MMP11: variants seen among roughly 807,000 people sequenced by gnomAD.
MMP11 encodes the protein stromelysin-3.
In MMP11, 26 loss-of-function variants were observed where a neutral mutation model predicts 49.5. The observed-to-expected ratio is 0.52, with a 90% CI of 0.38 to 0.73. The LOEUF (loss-of-function observed/expected upper bound fraction) is 0.73, where lower values mean the gene tolerates loss of function less well. Ranked by LOEUF, MMP11 falls within the 30% of genes least tolerant of loss-of-function variation. The pLI, the probability that MMP11 is intolerant of heterozygous loss-of-function variation, is 0.00. For missense variants in MMP11, 624 were observed against 671.2 expected, an observed-to-expected ratio of 0.93 and a Z score of 0.78; for synonymous variants, 265 against 282.3, an observed-to-expected ratio of 0.94 and a Z score of 0.62.
At position 23,781,813 on chromosome 22, in the gene MMP11, C is replaced by T. The variant is rs1021923047; in HGVS notation, c.1075+404C>T. 10 of 584,836 alleles carry T rather than the reference C, an allele frequency of 1.7e-5. No homozygotes were observed. In the African/African-American group the frequency reaches 1.8e-4, roughly 11 times the overall value. The allele number at this position is 584,836 out of a possible 1,614,324, so 36.2% of individuals were successfully genotyped here. A position where few individuals can be genotyped will look rare whatever the true frequency, so the allele number is the denominator to read the frequency against. On this transcript the variant is annotated intron_variant, in intron 6 of 7. Transcript: ENST00000215743. The stretch of plus-strand genomic sequence containing the variant: ...AGCTGGGATTTCCATCCTCAACTGG[C>T]AGAGATGAGAGCCTGGAGCATTGCA...
intron 1 of MMP11, among the ~76,000 whole-genome samples, chr22:23,776,912 A>G (rs950531150): frequency 1.3e-5 from 2 of 149,638 alleles, no homozygotes; most frequent in Non-Finnish European, 3.0e-5. Context: ...GGTTCACGCC[A>G]TTCTCCTGCC....
chr22:23,781,447 A>G, intron 6 of MMP11, 38 bp downstream of exon 6: 1 of 1,534,190 alleles, frequency 6.5e-7, no homozygotes, highest in Non-Finnish European at 8.8e-7. Context: ...GAGACTTCCC[A>G]GAGCCAGGAA....
At position 23,772,904 on chromosome 22, in the gene MMP11, G is replaced by A. The variant is rs942156863; in HGVS notation, c.34G>A (p.Ala12Thr). Reference protein sequence around the residue: ...APAAWLRSAAARALLPPMLLL... With the variant: ...APAAWLRSAATRALLPPMLLL... Reference sequence around the variant, plus strand: ...GGCCGCCTGGCTCCGCAGCGCGGCCGCGCGCGCCCTCCTGCCCCCGATGCT... The same window carrying A: ...GGCCGCCTGGCTCCGCAGCGCGGCCACGCGCGCCCTCCTGCCCCCGATGCT... The change falls in exon 1 of 8, where the codon GCG becomes ACG. Residue 12 changes from alanine to threonine, a missense_variant. Physicochemically the swap from Ala to Thr is moderately conservative, Grantham distance 58 (BLOSUM62 0). Coordinates refer to ENST00000215743, the MANE Select transcript of MMP11 (RefSeq NM_005940.5). 8.5e-7 allele frequency: 1 copy of A among 1,173,252 alleles called. No individual in the cohort carries two copies. The highest frequency in any genetic ancestry group is 1.1e-6 in the Non-Finnish European group (1 of 950,434). 72.7% of individuals were successfully genotyped at this position (1,173,252 alleles called of 1,614,324 possible).
chr22:23,779,297 C>A lies in MMP11; in HGVS notation c.219C>A (p.Ser73Arg), dbSNP rs763099506. The A allele has an allele frequency of 2.3e-5, 37 of 1,611,322 alleles. No homozygotes were observed. The highest frequency in any genetic ancestry group is 2.9e-5 in the Non-Finnish European group (34 of 1,179,300). The change falls in exon 2 of 8, where the codon AGC becomes AGA. Residue 73 changes from serine to arginine, a missense_variant. Coordinates refer to ENST00000215743, the MANE Select transcript of MMP11 (RefSeq NM_005940.5). ...PATQEAPRPA[S>R]SLRPPRCGVP... is the part of the protein sequence containing the mutation. The stretch of plus-strand genomic sequence containing the variant: ...CGCAGGAAGCCCCCCGGCCTGCCAG[C>A]AGCCTCAGGCCTCCCCGCTGTGGCG...
Position 23,781,380 on chromosome 22 carries a change from A to T in MMP11, c.1046A>T (p.Asp349Val). ...LPSPVDAAFE[D>V]AQGHIWFFQG... The stretch of plus-strand genomic sequence containing the variant: ...AGCCCTGTGGACGCTGCCTTCGAGG[A>T]TGCCCAGGGCCACATTTGGTTCTTC... Residue 349 changes from aspartate to valine, a missense_variant, in exon 6 of 8, where the codon GAT (aspartate) becomes GTT (valine). Asp to Val is a radical substitution (Grantham distance 152). Transcript: ENST00000215743. The T allele has an allele frequency of 6.2e-7, 1 of 1,610,644 alleles. No homozygotes were observed. Among genetic ancestry groups the T allele is most frequent in the Non-Finnish European group, 8.5e-7 (1 of 1,178,498 alleles).
Position 23,782,242 on chromosome 22 carries a change from G to T in MMP11, c.1092G>T (p.Val364=). 1 of 1,613,322 alleles carries T rather than the reference G, an allele frequency of 6.2e-7. No individual in the cohort carries two copies. Among genetic ancestry groups the T allele is most frequent in the Non-Finnish European group, 8.5e-7 (1 of 1,179,958 alleles). The change falls in exon 7 of 8, where the codon GTG becomes GTT. Residue 364 remains valine (V), a synonymous_variant. Coordinates refer to ENST00000215743, the MANE Select transcript of MMP11 (RefSeq NM_005940.5). ...CTCCGGCAGGTGCTCAGTACTGGGT[G>T]TACGACGGTGAAAAGCCAGTCCTGG... is the stretch of plus-strand genomic sequence containing the variant. ...IWFFQGAQYW[V]YDGEKPVLGP... is the part of the protein sequence containing the mutation.
At position 23,779,235 on chromosome 22, in the gene MMP11, G is replaced by A. The variant is rs766136342; in HGVS notation, c.157G>A (p.Ala53Thr). 13 of 1,608,486 alleles carry A rather than the reference G, an allele frequency of 8.1e-6. No homozygotes were observed. The highest frequency in any genetic ancestry group is 9.3e-6 in the Non-Finnish European group (11 of 1,178,264). The change falls in exon 2 of 8, where the codon GCA becomes ACA. Residue 53 changes from alanine (A) to threonine (T), a missense_variant. Physicochemically the swap from Ala to Thr is moderately conservative, Grantham distance 58. Transcript: ENST00000215743. ...AERRGPQPWH[A>T]ALPSSPAPAP... The stretch of plus-strand genomic sequence containing the variant: ...GAGGAGGGGGCCACAGCCCTGGCAT[G>A]CAGCCCTGCCCAGTAGCCCGGCACC...
rs756554837 is a variant in MMP11, at chr22:23,780,760, A to G, written c.616+45A>G. 13 of 1,552,760 alleles carry G rather than the reference A, an allele frequency of 8.4e-6. No homozygotes were observed. Among genetic ancestry groups the G allele is most frequent in the Admixed American group, 3.8e-5 (2 of 52,402 alleles). ...TTTCCAGATGGGGCAACCGAAGATCATAAAGAATGGGGACTCGCCAAGGTC... is the reference window on the plus strand; with the variant it reads ...TTTCCAGATGGGGCAACCGAAGATCGTAAAGAATGGGGACTCGCCAAGGTC... On this transcript the variant is annotated intron_variant, in intron 4 of 7. Transcript: ENST00000215743. This position sits in a 1 kb window ranked among gnomAD's most constrained non-coding sequence, Gnocchi z 4.6.
In MMP11 at chr22:23,783,550, G is replaced by C; in HGVS notation, c.*6G>C. Reference sequence around the variant, plus strand: ...CTGCCAACACTTTCCTCTGACCATGGCTTGGATGCCCTCAGGGGTGCTGAC... The same window carrying C: ...CTGCCAACACTTTCCTCTGACCATGCCTTGGATGCCCTCAGGGGTGCTGAC... On this transcript the variant is annotated 3_prime_UTR_variant, in exon 8 of 8. Coordinates refer to ENST00000215743, the MANE Select transcript of MMP11 (RefSeq NM_005940.5). 6.2e-7 allele frequency: 1 copy of C among 1,614,114 alleles called. No individual in the cohort carries two copies. Among genetic ancestry groups the C allele is most frequent in the Non-Finnish European group, 8.5e-7 (1 of 1,179,992 alleles).
Position 23,780,902 on chromosome 22 carries a change from GC to G in MMP11, c.661del (p.Leu221TrpfsTer12), listed in dbSNP as rs2145942367. 6.2e-7 allele frequency: 1 copy of G among 1,613,944 alleles called. No individual in the cohort carries two copies. The highest frequency in any genetic ancestry group is 1.1e-5 in the South Asian group (1 of 91,082). On this transcript the variant is annotated frameshift_variant, in exon 5 of 8. Transcript: ENST00000215743. LOFTEE classifies it high-confidence loss of function. This position sits in a 1 kb window ranked among gnomAD's most constrained non-coding sequence, Gnocchi z 4.6. Reference sequence around the variant, plus strand: ...TGGCAGCCCATGAATTTGGCCACGTGCTGGGGCTGCAGCACACAACAGCAGC... The same window carrying G: ...TGGCAGCCCATGAATTTGGCCACGTGTGGGGCTGCAGCACACAACAGCAGC... ...QVAAHEFGHV[L>X]GLQHTTAAKA...
chr22:23,780,516 C>A lies in MMP11; in HGVS notation c.482+14C>A. 2 of 1,613,610 alleles carry A rather than the reference C, an allele frequency of 1.2e-6. No individual in the cohort carries two copies. The highest frequency in any genetic ancestry group is 2.7e-5 in the African/African-American group (2 of 75,060). On this transcript the variant is annotated intron_variant, in intron 3 of 7. Coordinates refer to ENST00000215743, the MANE Select transcript of MMP11 (RefSeq NM_005940.5). The surrounding 1 kb of genome is among the most constrained non-coding windows in gnomAD (Gnocchi z 4.6). ...CGACTTCGCCAGGTGAATGGGCGGC[C>A]TGGGACCCCTCCGGGAACAGCCTCG...
rs890059757 is a variant in MMP11, at chr22:23,783,855, G to A, written c.*311G>A. The A allele has an allele frequency of 2.4e-6, 1 of 418,182 alleles. No individual in the cohort carries two copies. The highest frequency in any genetic ancestry group is 3.4e-5 in the Admixed American group (1 of 29,044). 25.9% of individuals were successfully genotyped at this position (418,182 alleles called of 1,614,324 possible). A position where few individuals can be genotyped will look rare whatever the true frequency, so the allele number is the denominator to read the frequency against. On this transcript the variant is annotated 3_prime_UTR_variant, in exon 8 of 8. Transcript: ENST00000215743. Reference sequence around the variant, plus strand: ...CCTGTCTCCATCCCTGTCCCTCAGGGTAGCACCATGGCAGGACTGGGGGAA... The same window carrying A: ...CCTGTCTCCATCCCTGTCCCTCAGGATAGCACCATGGCAGGACTGGGGGAA...
intron 7 of MMP11, among the ~76,000 whole-genome samples, chr22:23,783,064 G>A (rs144664806): frequency 6.0e-4 from 92 of 152,272 alleles, no homozygotes; most frequent in Middle Eastern, 3.4e-3. Flanking sequence ...CAGGGTGCCC[G>A]TCAATAGCCT....
rs192119539 is a variant in MMP11, at chr22:23,780,466, A to C, written c.446A>C (p.His149Pro). 4 of 1,614,054 alleles carry C rather than the reference A, an allele frequency of 2.5e-6. No homozygotes were observed. The Admixed American group carries it at 5.0e-5, about 20-fold the overall frequency. Residue 149 changes from histidine to proline, a missense_variant, in exon 3 of 8, where the codon CAC (histidine) becomes CCC (proline). Physicochemically the swap from His to Pro is moderately conservative, Grantham distance 77. Coordinates refer to ENST00000215743, the MANE Select transcript of MMP11 (RefSeq NM_005940.5). The surrounding 1 kb of genome is among the most constrained non-coding windows in gnomAD (Gnocchi z 4.6). ...ACGCCACTCACCTTTACTGAGGTGC[A>C]CGAGGGCCGTGCTGACATCATGATC... ...DVTPLTFTEVHEGRADIMIDF... is the reference protein window; with the variant it reads ...DVTPLTFTEVPEGRADIMIDF...
At chr22:23,773,565 G>A (rs1927310358) in intron 1 of MMP11, among the ~76,000 whole-genome samples, 1 of 152,198 alleles carries the variant, frequency 6.6e-6, no homozygotes, top group Non-Finnish European at 1.5e-5. Context: ...TGCAGTGTGT[G>A]TGTGACTGAG....
intron 1 of MMP11, among the ~76,000 whole-genome samples, chr22:23,773,604 G>A (rs1226833270): frequency 6.6e-6 from 1 of 152,182 alleles, no homozygotes; most frequent in African/African-American, 2.4e-5. Flanking sequence ...AGCGGGGAGA[G>A]AAAGGAAAGG....
chr22:23,782,496 T>TG lies in MMP11; in HGVS notation c.1333+14dup. On this transcript the variant is annotated intron_variant, in intron 7 of 7. Coordinates refer to ENST00000215743, the MANE Select transcript of MMP11 (RefSeq NM_005940.5). ...CAGGATGCTGATGGTGCGTTGGGGG[T>TG]GAGGCAGCTGGTGGGAGGTGGGCAC... The TG allele has an allele frequency of 6.3e-7, 1 of 1,595,866 alleles. No homozygotes were observed. The highest frequency in any genetic ancestry group is 8.5e-7 in the Non-Finnish European group (1 of 1,169,752).
intron 1 of MMP11, among the ~76,000 whole-genome samples, chr22:23,777,391 C>T (rs1244082335): frequency 1.3e-5 from 2 of 151,816 alleles, no homozygotes; most frequent in Non-Finnish European, 2.9e-5. Flanking sequence ...ATGGTGAAAT[C>T]CCGTTTCTAC....
intron 1 of MMP11, among the ~76,000 whole-genome samples, chr22:23,773,686 A>T (rs116305639): frequency 0.011 from 1,658 of 152,192 alleles, 34 homozygotes; most frequent in South Asian, 0.11. Context: ...GAGAGGAGGG[A>T]CTGTCATGGA....
Sources: gnomAD v4.1 joint callset for allele counts (sites outside exome capture counted in the v4.1 genomes callset) on GRCh38, gnomAD v4.1.1 for gene constraint, Gnocchi (gnomAD v3.1) non-coding constraint, MANE v1.5 for transcripts, NCBI Gene and HGNC (gene_info 2026-07-23, HGNC 2026-07-21) for gene names.